The following GRIN2A variants were observed in gnomAD, a reference collection of about 807,000 sequenced individuals.
The protein encoded by GRIN2A is glutamate receptor ionotropic, NMDA 2A.
Under a neutral mutation model 113.4 loss-of-function variants are expected in GRIN2A, and 22 were observed. That is an observed-to-expected ratio of 0.19 (90% CI 0.14 to 0.28). The LOEUF is 0.28. Ranked by LOEUF, GRIN2A falls within the 10% of genes least tolerant of loss-of-function variation. The probability of loss-of-function intolerance (pLI) is 1.00; values close to 1 mark genes in which losing one functional copy is unlikely to be tolerated. For synonymous variants in GRIN2A, 827 were observed against 738.4 expected, an observed-to-expected ratio of 1.12 and a Z score of -1.94; for missense variants, 1,502 against 1,887.0, an observed-to-expected ratio of 0.80 and a Z score of 3.78.
intron 2 of GRIN2A, among the ~76,000 whole-genome samples, chr16:10,039,350 C>T (rs1324749292): frequency 1.3e-5 from 2 of 152,190 alleles, no homozygotes; most frequent in Non-Finnish European, 2.9e-5. Context: ...GCACTCCAAA[C>T]CTGCACCAAA....
intron 2 of GRIN2A, among the ~76,000 whole-genome samples, chr16:9,962,678 G>T (rs2045466400): frequency 6.6e-6 from 1 of 152,144 alleles, no homozygotes; most frequent in Admixed American, 6.5e-5. Flanking sequence ...CTGTAAACTA[G>T]TTCAACCATT....
chr16:9,847,894 A>G (rs1020921361), intron 5 of GRIN2A, among the ~76,000 whole-genome samples: 1 of 147,546 alleles, frequency 6.8e-6, no homozygotes, highest in Non-Finnish European at 1.5e-5. Flanking sequence ...ATTTTCTCCA[A>G]ACCAAAACAG....
chr16:9,896,234 G>C (rs2043803419), intron 3 of GRIN2A, among the ~76,000 whole-genome samples: 1 of 152,126 alleles, frequency 6.6e-6, no homozygotes, highest in Non-Finnish European at 1.5e-5. Context: ...ATTTTTAGTA[G>C]AGACAGGGTT....
chr16:10,081,057 G>A (rs1567284532), intron 2 of GRIN2A, among the ~76,000 whole-genome samples: 1 of 152,168 alleles, frequency 6.6e-6, no homozygotes, highest in Non-Finnish European at 1.5e-5. Flanking sequence ...TGTGTTTGCA[G>A]AGTCCCAACT....
At chr16:10,113,488 A>G (rs1213378742) in intron 2 of GRIN2A, among the ~76,000 whole-genome samples, 1 of 152,194 alleles carries the variant, frequency 6.6e-6, no homozygotes, top group Non-Finnish European at 1.5e-5. Context: ...CCGTCCCCAT[A>G]TACCATTCCT....
chr16:9,973,958 A>G (rs1384574454), intron 2 of GRIN2A, among the ~76,000 whole-genome samples: 1 of 152,194 alleles, frequency 6.6e-6, no homozygotes, highest in East Asian at 1.9e-4. Flanking sequence ...TACCAGAAGA[A>G]AACTCTAATT....
intron 2 of GRIN2A, among the ~76,000 whole-genome samples, chr16:10,143,018 G>A (rs1020456850): frequency 4.6e-5 from 7 of 152,084 alleles, no homozygotes; most frequent in Non-Finnish European, 8.8e-5. Flanking sequence ...GTATACTTAG[G>A]ATAGATTACC....
At chr16:10,107,447 G>A (rs1210037137) in intron 2 of GRIN2A, among the ~76,000 whole-genome samples, 2 of 152,218 alleles carry the variant, frequency 1.3e-5, no homozygotes, top group African/African-American at 4.8e-5. Flanking sequence ...GTAGTTGCAT[G>A]AGGAGTACTT....
At chr16:10,014,559 G>C (rs552984474) in intron 2 of GRIN2A, among the ~76,000 whole-genome samples, 1 of 152,206 alleles carries the variant, frequency 6.6e-6, no homozygotes, top group African/African-American at 2.4e-5. Flanking sequence ...ACTCAGTCTA[G>C]CAGGACAGAC....
chr16:9,880,694 C>T (rs1187496902), intron 4 of GRIN2A, among the ~76,000 whole-genome samples: 1 of 152,170 alleles, frequency 6.6e-6, no homozygotes. Context: ...TCCAGATGGG[C>T]CTTGGGCACT....
chr16:9,933,416 G>A (rs903466999), intron 3 of GRIN2A, among the ~76,000 whole-genome samples: 2 of 152,130 alleles, frequency 1.3e-5, no homozygotes, highest in African/African-American at 4.8e-5. Flanking sequence ...CCATGACTTT[G>A]TTCTCAACCA....
intron 2 of GRIN2A, among the ~76,000 whole-genome samples, chr16:10,031,061 A>G (rs770523301): frequency 1.3e-5 from 2 of 152,230 alleles, no homozygotes; most frequent in Non-Finnish European, 2.9e-5. Context: ...TGTGGGGGCC[A>G]GAATTTGAGA....
intron 4 of GRIN2A, among the ~76,000 whole-genome samples, chr16:9,885,606 A>G (rs1216898900): frequency 6.6e-6 from 1 of 152,186 alleles, no homozygotes; most frequent in East Asian, 1.9e-4. Flanking sequence ...TGCTGCTTTC[A>G]GTGACGCCAC....
At chr16:9,853,889 T>A (rs1744417529) in intron 4 of GRIN2A, among the ~76,000 whole-genome samples, 1 of 152,214 alleles carries the variant, frequency 6.6e-6, no homozygotes, top group South Asian at 2.1e-4. Flanking sequence ...AAACCCATTA[T>A]ATAATTTATT....
chr16:9,836,862 C>T (rs528143864), intron 7 of GRIN2A, among the ~76,000 whole-genome samples: 14 of 152,262 alleles, frequency 9.2e-5, no homozygotes, highest in South Asian at 4.1e-4. Flanking sequence ...GAACTGCAAT[C>T]GAGGAGATAC....
intron 2 of GRIN2A, among the ~76,000 whole-genome samples, chr16:9,961,675 G>C (rs1370991601): frequency 6.6e-6 from 1 of 152,136 alleles, no homozygotes; most frequent in Admixed American, 6.5e-5. Context: ...AAATTTTTGA[G>C]ATTTTTCGTG....
chr16:9,782,265 G>C (rs1362322), intron 11 of GRIN2A, among the ~76,000 whole-genome samples: 65,817 of 151,852 alleles, frequency 0.43, 15,345 homozygotes, highest in African/African-American at 0.62. Context: ...CATTTATATT[G>C]CATTAGGTAT....
chr16:9,783,451 G>C (rs1466175131), intron 11 of GRIN2A, among the ~76,000 whole-genome samples: 1 of 152,178 alleles, frequency 6.6e-6, no homozygotes, highest in East Asian at 1.9e-4. Context: ...AAGCAATAAA[G>C]GCTTTCATGT....
At chr16:10,157,563 G>C (rs1048830697) in intron 2 of GRIN2A, among the ~76,000 whole-genome samples, 1 of 152,210 alleles carries the variant, frequency 6.6e-6, no homozygotes, top group African/African-American at 2.4e-5. Context: ...CATGGCAGAA[G>C]ATGAAGGGGA....
Sources: allele counts gnomAD v4.1 joint callset (sites outside exome capture counted in the v4.1 genomes callset), GRCh38; gene constraint gnomAD v4.1.1; transcripts MANE v1.5; gene names NCBI Gene and HGNC (gene_info 2026-07-23, HGNC 2026-07-21).